Variants in TUNAR observed in about 807,000 individuals in gnomAD.
TUNAR encodes protein TUNAR.
At chr14:95,912,830 G>A (rs145727352) in intron 2 of TUNAR, among the ~76,000 whole-genome samples, 5,654 of 150,518 alleles carry the variant, frequency 0.038, 351 homozygotes, top group African/African-American at 0.13. Context: ...TCGCTCTGTC[G>A]CCCAGGCTGG....
intron 2 of TUNAR, among the ~76,000 whole-genome samples, chr14:95,912,632 C>T (rs375414299): frequency 6.6e-6 from 1 of 152,158 alleles, no homozygotes. Context: ...GCTTATCCTT[C>T]CCTCTTACAA....
exon 3 of TUNAR, chr14:95,924,521 CTG>C (rs1889753169): frequency 6.6e-6 from 1 of 152,348 alleles, no homozygotes; most frequent in African/African-American, 2.4e-5. Context: ...ATCCCCAAGA[CTG>C]GGCAATTTAC....
chr14:95,893,188 G>T (rs982919402), intron 2 of TUNAR, among the ~76,000 whole-genome samples: 15 of 152,148 alleles, frequency 9.9e-5, no homozygotes, highest in African/African-American at 3.6e-4. Flanking sequence ...AACCCAAGCA[G>T]TTGGGGACAG....
chr14:95,877,915 G>C (rs1318429074), intron 2 of TUNAR, among the ~76,000 whole-genome samples: 1 of 152,204 alleles, frequency 6.6e-6, no homozygotes, highest in Non-Finnish European at 1.5e-5. Flanking sequence ...TCTCTTTCCT[G>C]GGGTTCTGTT....
chr14:95,914,959 G>A (rs1889577818), intron 2 of TUNAR, among the ~76,000 whole-genome samples: 1 of 152,176 alleles, frequency 6.6e-6, no homozygotes. Flanking sequence ...ACTTGCTTTT[G>A]TTTAGTTCCT....
At chr14:95,879,318 A>G (rs1016664240) in intron 2 of TUNAR, among the ~76,000 whole-genome samples, 12 of 152,242 alleles carry the variant, frequency 7.9e-5, no homozygotes, top group African/African-American at 2.9e-4. Context: ...TCACAAAACC[A>G]GAGCAAAGCT....
chr14:95,876,872 A>C (rs1160277944), exon 2 of TUNAR: 1 of 152,206 alleles, frequency 6.6e-6, no homozygotes, highest in Non-Finnish European at 1.5e-5. Flanking sequence ...CCTCCCGCCG[A>C]GCCCCGGCGC....
chr14:95,893,014 C>T (rs999319010), intron 2 of TUNAR, among the ~76,000 whole-genome samples: 1 of 152,168 alleles, frequency 6.6e-6, no homozygotes, highest in Non-Finnish European at 1.5e-5. Flanking sequence ...AAACCTGTTG[C>T]AGTTTCAAGT....
At chr14:95,922,412 G>A (rs983337706) in intron 2 of TUNAR, among the ~76,000 whole-genome samples, 15 of 152,168 alleles carry the variant, frequency 9.9e-5, no homozygotes, top group African/African-American at 3.4e-4. Context: ...ATATGTGAGA[G>A]TATGTGAAAT....
intron 2 of TUNAR, among the ~76,000 whole-genome samples, chr14:95,901,424 G>A (rs1889352103): frequency 6.6e-6 from 1 of 152,228 alleles, no homozygotes; most frequent in South Asian, 2.1e-4. Flanking sequence ...CATTTTGTGA[G>A]CCTCTCCTGG....
intron 2 of TUNAR, among the ~76,000 whole-genome samples, chr14:95,886,959 T>C (rs1288797104): frequency 6.6e-6 from 1 of 152,168 alleles, no homozygotes; most frequent in Admixed American, 6.5e-5. Flanking sequence ...TGGCCTTTTG[T>C]TTGCTTCTTG....
chr14:95,898,785 G>T (rs868403271), intron 2 of TUNAR, among the ~76,000 whole-genome samples: 2 of 152,076 alleles, frequency 1.3e-5, no homozygotes, highest in African/African-American at 4.8e-5. Context: ...TTGTTTGTTT[G>T]CTTTAGTCCA....
intron 2 of TUNAR, among the ~76,000 whole-genome samples, chr14:95,905,837 CTACTG>C (rs996632084): frequency 3.4e-4 from 52 of 152,254 alleles, no homozygotes; most frequent in African/African-American, 1.2e-3. Flanking sequence ...TATTGGAACT[CTACTG>C]TAAGAAAGAA....
intron 2 of TUNAR, among the ~76,000 whole-genome samples, chr14:95,880,478 C>T (rs1176571597): frequency 6.6e-6 from 1 of 152,050 alleles, no homozygotes; most frequent in Non-Finnish European, 1.5e-5. Flanking sequence ...AGCCATGACC[C>T]TCTCTAGGAT....
At chr14:95,891,206 C>T (rs1318030517) in intron 2 of TUNAR, among the ~76,000 whole-genome samples, 1 of 152,192 alleles carries the variant, frequency 6.6e-6, no homozygotes, top group Non-Finnish European at 1.5e-5. Flanking sequence ...AAAGTGCATC[C>T]CCATTCGGAA....
chr14:95,894,009 G>A (rs1384871668), intron 2 of TUNAR, among the ~76,000 whole-genome samples: 2 of 152,236 alleles, frequency 1.3e-5, no homozygotes, highest in Admixed American at 1.3e-4. Flanking sequence ...GTCGCAAGAC[G>A]ATTTTGCCCT....
At chr14:95,893,293 C>T (rs1346557725) in intron 2 of TUNAR, among the ~76,000 whole-genome samples, 1 of 152,092 alleles carries the variant, frequency 6.6e-6, no homozygotes, top group African/African-American at 2.4e-5. Flanking sequence ...GTTAGGGTTG[C>T]AGGATGGGAA....
chr14:95,876,535 C>T (rs367657420), exon 1 of TUNAR: 1 of 152,506 alleles, frequency 6.6e-6, no homozygotes, highest in Non-Finnish European at 1.5e-5. Context: ...CCTCCTTTCC[C>T]GCAGGTGCGC....
At chr14:95,893,259 C>T (rs1566787010) in intron 2 of TUNAR, among the ~76,000 whole-genome samples, 2 of 152,008 alleles carry the variant, frequency 1.3e-5, no homozygotes. Flanking sequence ...TTCCTTTTTG[C>T]AGCATGGGAG....
Sources: gnomAD v4.1 joint callset for allele counts (sites outside exome capture counted in the v4.1 genomes callset) on GRCh38, gnomAD v4.1.1 for gene constraint, MANE v1.5 for transcripts, NCBI Gene and HGNC (gene_info 2026-07-23, HGNC 2026-07-21) for gene names.